Variants in FAT4 observed in about 807,000 individuals in gnomAD.
The protein encoded by FAT4 is protocadherin Fat 4.
Under a neutral mutation model 303.9 loss-of-function variants are expected in FAT4, and 84 were observed. The ratio of observed to expected loss-of-function variants is 0.28; its 90% CI spans 0.23 to 0.33. FAT4 has a LOEUF of 0.33. FAT4 is among the 10% of genes least tolerant of loss of function. The pLI is 1.00. For synonymous variants in FAT4, 2,307 were observed against 2,298.8 expected, an observed-to-expected ratio of 1.00 and a Z score of -0.10; for missense variants, 6,005 against 6,146.8, an observed-to-expected ratio of 0.98 and a Z score of 0.77.
At position 125,483,940 on chromosome 4, in the gene FAT4, T is replaced by A. The variant is rs1212803030; in HGVS notation, c.12822+2202T>A. Among the ~76,000 whole-genome samples, 3 of 14,724 alleles carry A rather than the reference T, an allele frequency of 2.0e-4. 1 individual carries two copies. Among genetic ancestry groups the A allele is most frequent in the South Asian group, 5.0e-3 (2 of 398 alleles). 9.7% of individuals were successfully genotyped at this position (14,724 alleles called of 152,430 possible). On this transcript the variant is annotated intron_variant, in intron 16 of 17. Transcript: ENST00000394329. ...TCACCAAGACCCCAGGGTTCCGTTT[T>A]TTTTTTTTTTTTTTTTGGCTCCTTT...
chr4:125,386,563 C>A (rs147961038), intron 2 of FAT4, among the ~76,000 whole-genome samples: 5,865 of 152,194 alleles, frequency 0.039, 378 homozygotes, highest in African/African-American at 0.13. Context: ...AGCCACTGCA[C>A]CTGGCCCTGA....
Position 125,356,240 on chromosome 4 carries a change from T to C in FAT4, c.5175+34654T>C, listed in dbSNP as rs72673302. Reference sequence around the variant, plus strand: ...AGTTGCCTAAGAGCCATCCATACATTTGTATTCCTTGACATGTCTTAAAGT... The same window carrying C: ...AGTTGCCTAAGAGCCATCCATACATCTGTATTCCTTGACATGTCTTAAAGT... On this transcript the variant is annotated intron_variant, in intron 2 of 17. Transcript: ENST00000394329. Among the ~76,000 whole-genome samples the C allele has an allele frequency of 2.0e-3, 297 of 152,098 alleles. 1 individual carries two copies. The highest frequency in any genetic ancestry group is 2.0e-3 in the Non-Finnish European group (136 of 67,972).
Position 125,317,350 on chromosome 4 carries a change from C to T in FAT4, c.939C>T (p.Phe313=), listed in dbSNP as rs1484195645. 4 of 1,612,780 alleles carry T rather than the reference C, an allele frequency of 2.5e-6. No homozygotes were observed. The highest frequency in any genetic ancestry group is 3.4e-6 in the Non-Finnish European group (4 of 1,179,578). The part of the protein sequence containing the change: ...GLITVREPLD[F]EARRQYSLTV... ...TCACGGTGCGGGAGCCCCTGGACTT[C>T]GAAGCTCGGCGCCAATACTCGCTTA... The change falls in exon 2 of 18, where the codon TTC becomes TTT. Residue 313 remains phenylalanine (F), a synonymous_variant. Coordinates refer to ENST00000394329, the MANE Select transcript of FAT4 (RefSeq NM_001291303.3). This position sits in a 1 kb window ranked among gnomAD's most constrained non-coding sequence, Gnocchi z 7.0.
In FAT4 at chr4:125,318,659, GC is replaced by G. The variant is rs1222206270; in HGVS notation, c.2251del (p.Leu751Ter). 1 of 1,613,958 alleles carries G rather than the reference GC, an allele frequency of 6.2e-7. No homozygotes were observed. The highest frequency in any genetic ancestry group is 1.3e-5 in the African/African-American group (1 of 74,884). On this transcript the variant is annotated frameshift_variant, in exon 2 of 18. Coordinates refer to ENST00000394329, the MANE Select transcript of FAT4 (RefSeq NM_001291303.3). LOFTEE classifies it high-confidence loss of function. ...AQSGVISTRM[A>X]LDREEKTAYQ... ...GAGTGGGGTTATTTCTACAAGAATG[GC>G]CCTAGACAGAGAAGAAAAAACAGCT... is the stretch of plus-strand genomic sequence containing the variant.
chr4:125,425,455 A>T (rs1479076413), intron 7 of FAT4, among the ~76,000 whole-genome samples: 2 of 152,134 alleles, frequency 1.3e-5, no homozygotes, highest in Non-Finnish European at 2.9e-5. Flanking sequence ...TTTTATTTTT[A>T]TATTAAAGAG....
At chr4:125,454,974 T>G (rs940154866) in intron 10 of FAT4, among the ~76,000 whole-genome samples, 51 of 152,240 alleles carry the variant, frequency 3.3e-4, no homozygotes, top group African/African-American at 1.2e-3. Flanking sequence ...ATGAAACCTG[T>G]GTAGCGGAAG....
chr4:125,328,740 A>G (rs1156636572), intron 2 of FAT4, among the ~76,000 whole-genome samples: 2 of 152,212 alleles, frequency 1.3e-5, no homozygotes, highest in Non-Finnish European at 2.9e-5. Flanking sequence ...GATACAACAT[A>G]TCATCATTTG....
chr4:125,438,301 A>G (rs1395241), intron 8 of FAT4, among the ~76,000 whole-genome samples: 62,154 of 151,962 alleles, frequency 0.41, 13,083 homozygotes, highest in Non-Finnish European at 0.46. Context: ...TTTCTAGTGC[A>G]TGTTAAAGAT....
At chr4:125,348,189 G>A (rs1732079143) in intron 2 of FAT4, among the ~76,000 whole-genome samples, 1 of 151,728 alleles carries the variant, frequency 6.6e-6, no homozygotes, top group South Asian at 2.1e-4. Flanking sequence ...ATTAGTTAAT[G>A]TACCAAAACA....
At chr4:125,336,279 G>A (rs1352648202) in intron 2 of FAT4, among the ~76,000 whole-genome samples, 1 of 151,894 alleles carries the variant, frequency 6.6e-6, no homozygotes, top group East Asian at 1.9e-4. Context: ...GCTAACAAAG[G>A]GAAGCAGATG....
intron 2 of FAT4, among the ~76,000 whole-genome samples, chr4:125,342,924 A>G (rs1408828112): frequency 2.0e-5 from 3 of 152,124 alleles, no homozygotes; most frequent in African/African-American, 7.2e-5. Context: ...AAATATTCCA[A>G]TGCAAATAAA....
chr4:125,341,112 A>G (rs993141778), intron 2 of FAT4, among the ~76,000 whole-genome samples: 2 of 152,186 alleles, frequency 1.3e-5, no homozygotes, highest in Admixed American at 6.5e-5. Context: ...ATAGTTTTTT[A>G]TTAGTATAAG....
intron 14 of FAT4, 60 bp downstream of exon 14, chr4:125,477,394 G>A: frequency 1.5e-6 from 2 of 1,369,874 alleles, no homozygotes; most frequent in Non-Finnish European, 9.9e-7. Flanking sequence ...GTATGCTTCA[G>A]TGAGCATCAA....
intron 2 of FAT4, among the ~76,000 whole-genome samples, chr4:125,354,448 G>A (rs1320917466): frequency 6.6e-6 from 1 of 151,664 alleles, no homozygotes; most frequent in Non-Finnish European, 1.5e-5. Context: ...ACTCAAAAAT[G>A]AATTGGTTTC....
At chr4:125,384,461 T>C (rs1733661441) in intron 2 of FAT4, among the ~76,000 whole-genome samples, 2 of 152,218 alleles carry the variant, frequency 1.3e-5, no homozygotes, top group African/African-American at 4.8e-5. Flanking sequence ...ACATTTTCTT[T>C]GGAGGATTGT....
At chr4:125,408,945 G>T (rs1734735656) in intron 5 of FAT4, 151 bp downstream of exon 5, 2 of 429,304 alleles carry the variant, frequency 4.7e-6, no homozygotes, top group South Asian at 7.8e-5. Flanking sequence ...GAACTGTAGA[G>T]GATTTTAAAA....
Position 125,318,848 on chromosome 4 carries a change from G to A in FAT4, c.2437G>A (p.Gly813Ser). 6.2e-7 allele frequency: 1 copy of A among 1,614,102 alleles called. No homozygotes were observed. The highest frequency in any genetic ancestry group is 8.5e-7 in the Non-Finnish European group (1 of 1,180,020). Residue 813 changes from glycine to serine, a missense_variant, in exon 2 of 18, where the codon GGT becomes AGT. Gly to Ser is a moderately conservative substitution (Grantham distance 56). Coordinates refer to ENST00000394329, the MANE Select transcript of FAT4 (RefSeq NM_001291303.3). ...GAACGTGGCGCTGGGATATCATGTG[G>A]GTAGTGTGTCTGCATCCACCATGGA... ...FENVALGYHV[G>S]SVSASTMDLN...
intron 2 of FAT4, among the ~76,000 whole-genome samples, chr4:125,380,753 A>G (rs921089076): frequency 2.6e-5 from 4 of 152,168 alleles, no homozygotes; most frequent in Non-Finnish European, 5.9e-5. Context: ...TGTCTTCTTT[A>G]TTAAATTTGA....
intron 2 of FAT4, among the ~76,000 whole-genome samples, chr4:125,339,743 A>G (rs1317290908): frequency 1.3e-5 from 2 of 152,180 alleles, no homozygotes; most frequent in African/African-American, 2.4e-5. Context: ...GGATCATACA[A>G]TTAGGAAGAC....
Sources: gnomAD v4.1 joint callset for allele counts (sites outside exome capture counted in the v4.1 genomes callset) on GRCh38, gnomAD v4.1.1 for gene constraint, Gnocchi (gnomAD v3.1) non-coding constraint, MANE v1.5 for transcripts, NCBI Gene and HGNC (gene_info 2026-07-23, HGNC 2026-07-21) for gene names.